Variants in CD6 observed in about 807,000 individuals in gnomAD.
CD6 encodes the protein T-cell differentiation antigen CD6.
CD6 carries 53 observed loss-of-function variants against 75.3 expected under a neutral mutation model. That is an observed-to-expected ratio of 0.70 (90% CI 0.56 to 0.88). CD6 has a LOEUF of 0.88. Among genes scored for constraint, CD6 ranks in the 40% least tolerant of loss-of-function variants. The pLI is 0.00. For missense variants in CD6, 770 were observed against 897.1 expected (o/e 0.86, Z 1.81); for synonymous variants, 359 against 381.5 (o/e 0.94, Z 0.69).
intron 1 of CD6, among the ~76,000 whole-genome samples, chr11:61,000,651 C>T (rs527858678): frequency 6.6e-6 from 1 of 152,314 alleles, no homozygotes; most frequent in East Asian, 1.9e-4. Context: ...CTCAGCTTTC[C>T]CTCGATGTCT....
At chr11:60,974,040 C>G (rs1857281567) in intron 1 of CD6, among the ~76,000 whole-genome samples, 1 of 152,140 alleles carries the variant, frequency 6.6e-6, no homozygotes, top group South Asian at 2.1e-4. Flanking sequence ...TGACCCACAT[C>G]TGCTTGTGGG....
intron 1 of CD6, chr11:61,004,609 G>T: frequency 6.6e-6 from 1 of 152,550 alleles, no homozygotes; most frequent in Non-Finnish European, 1.5e-5. Flanking sequence ...CAGGCTCAGG[G>T]GGTATGTCCG....
chr11:61,018,133 G>A, intron 11 of CD6, 120 bp downstream of exon 11: 2 of 1,374,500 alleles, frequency 1.5e-6, no homozygotes, highest in South Asian at 1.3e-5. Flanking sequence ...GCCATTCGCT[G>A]TGTGCCCTTG....
chr11:60,986,394 A>G (rs1170151121), intron 1 of CD6, among the ~76,000 whole-genome samples: 1 of 152,048 alleles, frequency 6.6e-6, no homozygotes, highest in Non-Finnish European at 1.5e-5. Context: ...ACCAGCCTTG[A>G]CTCCAGGCTC....
chr11:60,989,253 A>C (rs1857958733), intron 1 of CD6: 1 of 152,244 alleles, frequency 6.6e-6, no homozygotes, highest in South Asian at 2.1e-4. Context: ...TGGGTTTCAT[A>C]ATAGTGTCTC....
chr11:61,009,766 ATGTACTACT>A lies in CD6; in HGVS notation c.977_985del (p.Met326_Ser329delinsThr). ...GCTGCCCCACTCCTTGTCCGGCAGGATGTACTACTCATGCAATGGGGAGGAGCTCACCCT... is the reference window on the plus strand; with the variant it reads ...GCTGCCCCACTCCTTGTCCGGCAGGACATGCAATGGGGAGGAGCTCACCCT... On this transcript the variant is annotated inframe_deletion, in exon 5 of 13. Transcript: ENST00000313421. The A allele has an allele frequency of 6.2e-7, 1 of 1,613,712 alleles. No homozygotes were observed. The highest frequency in any genetic ancestry group is 8.5e-7 in the Non-Finnish European group (1 of 1,179,898).
At chr11:60,981,629 A>G (rs77879607) in intron 1 of CD6, among the ~76,000 whole-genome samples, 3,613 of 152,282 alleles carry the variant, frequency 0.024, 139 homozygotes, top group African/African-American at 0.081. Flanking sequence ...CAGGCTCCTT[A>G]GGGTGTTAGG....
intron 1 of CD6, among the ~76,000 whole-genome samples, chr11:60,984,868 G>A (rs1857739082): frequency 6.6e-6 from 1 of 152,212 alleles, no homozygotes; most frequent in Admixed American, 6.5e-5. Context: ...ACTGATGGAG[G>A]AGTGAAGGAG....
chr11:61,015,446 C>T, intron 8 of CD6: 1 of 406,842 alleles, frequency 2.5e-6, no homozygotes, highest in South Asian at 3.9e-5. Flanking sequence ...TGGTGCATGC[C>T]TGTGGTCCCA....
chr11:61,005,949 G>C (rs1177518527), intron 1 of CD6, among the ~76,000 whole-genome samples: 1 of 147,988 alleles, frequency 6.8e-6, no homozygotes, highest in Admixed American at 6.8e-5. Context: ...AAAAAAGAAA[G>C]AAAGAAAGAA....
At position 60,971,706 on chromosome 11, in the gene CD6, C is replaced by A. The variant is rs953377976; in HGVS notation, c.-160C>A. 1.5e-6 allele frequency: 1 copy of A among 669,600 alleles called. No homozygotes were observed. The highest frequency in any genetic ancestry group is 2.4e-5 in the Admixed American group (1 of 40,850). 41.5% of individuals were successfully genotyped at this position (669,600 alleles called of 1,614,324 possible). On this transcript the variant is annotated 5_prime_UTR_variant, in exon 1 of 13. Coordinates refer to ENST00000313421, the MANE Select transcript of CD6 (RefSeq NM_006725.5). ...CTCACAGGTTGGGTTTGATCGCATG[C>A]GTGTCGGAGAGGAGAGAGCAGAGAG...
chr11:60,999,575 G>A (rs1858477740), intron 1 of CD6, among the ~76,000 whole-genome samples: 1 of 151,796 alleles, frequency 6.6e-6, no homozygotes. Flanking sequence ...ACTTAACATT[G>A]TGGCATAAAC....
chr11:60,996,244 G>A (rs1022215172), intron 1 of CD6, among the ~76,000 whole-genome samples: 2 of 152,158 alleles, frequency 1.3e-5, no homozygotes, highest in African/African-American at 4.8e-5. Context: ...GATTTGTGAC[G>A]GGTGCTCGAC....
At chr11:61,006,483 C>A in intron 1 of CD6, 91 bp from the exon 2 acceptor site, 1 of 1,060,998 alleles carries the variant, frequency 9.4e-7, no homozygotes, top group Non-Finnish European at 1.4e-6. Flanking sequence ...CCACCACAGG[C>A]TCCAGGAAGT....
intron 1 of CD6, among the ~76,000 whole-genome samples, chr11:60,998,458 G>T (rs368270403): frequency 5.9e-5 from 9 of 152,188 alleles, no homozygotes; most frequent in African/African-American, 1.7e-4. Context: ...GGGCCAGAAA[G>T]TGAAAGAACT....
At chr11:61,012,475 G>C (rs1047951337) in intron 6 of CD6, among the ~76,000 whole-genome samples, 2 of 152,180 alleles carry the variant, frequency 1.3e-5, no homozygotes, top group Non-Finnish European at 2.9e-5. Flanking sequence ...CCCATTTGCA[G>C]ACAGAGAGGG....
chr11:60,985,580 A>G (rs1857780609), intron 1 of CD6, among the ~76,000 whole-genome samples: 1 of 151,646 alleles, frequency 6.6e-6, no homozygotes, highest in African/African-American at 2.4e-5. Flanking sequence ...TAGAATATAT[A>G]TATATAAACA....
At chr11:60,981,601 A>G (rs752371800) in intron 1 of CD6, among the ~76,000 whole-genome samples, 3 of 152,206 alleles carry the variant, frequency 2.0e-5, no homozygotes, top group Non-Finnish European at 4.4e-5. Flanking sequence ...GTTGGCGGTG[A>G]CATGCTTGGA....
chr11:61,018,425 G>T, intron 12 of CD6, 32 bp downstream of exon 12: 1 of 1,461,532 alleles, frequency 6.8e-7, no homozygotes, highest in South Asian at 1.2e-5. Context: ...ATGTGGGAGG[G>T]GGACAGAGAG....
Sources: gnomAD v4.1 joint callset for allele counts (sites outside exome capture counted in the v4.1 genomes callset) on GRCh38, gnomAD v4.1.1 for gene constraint, MANE v1.5 for transcripts, NCBI Gene and HGNC (gene_info 2026-07-23, HGNC 2026-07-21) for gene names.